PSMA7: variants seen among roughly 807,000 people sequenced by gnomAD.
PSMA7 encodes the protein proteasome subunit alpha type-7.
Under a neutral mutation model 31.3 loss-of-function variants are expected in PSMA7, and 5 were observed. The ratio of observed to expected loss-of-function variants is 0.16; its 90% CI spans 0.08 to 0.34. The LOEUF (loss-of-function observed/expected upper bound fraction) is 0.34, where lower values mean the gene tolerates loss of function less well. Ranked by LOEUF, PSMA7 falls within the 10% of genes least tolerant of loss-of-function variation. The pLI is 1.00. For synonymous variants in PSMA7, 155 were observed against 121.9 expected (o/e 1.27, Z -1.79); for missense variants, 217 against 327.5 (o/e 0.66, Z 2.60).
At chr20:62,140,469 T>C (rs1368289889) in intron 2 of PSMA7, among the ~76,000 whole-genome samples, 2 of 152,330 alleles carry the variant, frequency 1.3e-5, no homozygotes, top group Middle Eastern at 3.4e-3. Flanking sequence ...CTGCTGGGGA[T>C]GGCAGGACGT....
chr20:62,137,051 C>T (rs753541114), intron 6 of PSMA7, 102 bp from the exon 7 acceptor site: 5 of 1,474,968 alleles, frequency 3.4e-6, no homozygotes, highest in African/African-American at 1.4e-5. Context: ...GCTGCTCATA[C>T]AGCCTCTTTG....
intron 1 of PSMA7, 34 bp from the exon 2 acceptor site, chr20:62,140,978 T>C (rs1433459750): frequency 5.6e-6 from 9 of 1,612,126 alleles, no homozygotes; most frequent in South Asian, 1.1e-5. Context: ...CGTAAGAAAG[T>C]GATATGAGTG....
At chr20:62,138,058 A>T in intron 5 of PSMA7, 113 bp downstream of exon 5, 1 of 1,429,468 alleles carries the variant, frequency 7.0e-7, no homozygotes, top group Non-Finnish European at 9.8e-7. Context: ...CACAGCAGTC[A>T]TTAAGCATTA....
intron 6 of PSMA7, 35 bp downstream of exon 6, chr20:62,137,329 G>A (rs1344801608): frequency 2.5e-6 from 4 of 1,601,706 alleles, no homozygotes; most frequent in Admixed American, 1.7e-5. Flanking sequence ...GGAGAAAACT[G>A]ACAGGTAAAG....
At chr20:62,140,259 G>C (rs936236109) in intron 2 of PSMA7, among the ~76,000 whole-genome samples, 14 of 152,238 alleles carry the variant, frequency 9.2e-5, no homozygotes, top group African/African-American at 3.1e-4. Flanking sequence ...TGCATATGAA[G>C]AATTGTGTAC....
At chr20:62,137,086 AGGATGCT>A in intron 6 of PSMA7, 137 bp from the exon 7 acceptor site, 2 of 1,253,162 alleles carry the variant, frequency 1.6e-6, no homozygotes, top group Non-Finnish European at 2.2e-6. Flanking sequence ...GAAAAACAAG[AGGATGCT>A]GGCCTGACCT....
At position 62,139,022 on chromosome 20, in the gene PSMA7, C is replaced by G. The variant is rs1280396272; in HGVS notation, c.471+53G>C. 7 of 1,599,276 alleles carry G rather than the reference C, an allele frequency of 4.4e-6. No individual in the cohort carries two copies. In the East Asian group the frequency reaches 9.0e-5, roughly 20 times the overall value. ...GCAGGAAGCCCAGGACCTCCCACCC[C>G]TCAAAGCCTTTTTCTGGCAAGACTG... On this transcript the variant is annotated intron_variant, in intron 4 of 6. Transcript: ENST00000370873.
In PSMA7 at chr20:62,140,814, A is replaced by G. The variant is rs767471003; in HGVS notation, c.223+4T>C. The G allele has an allele frequency of 1.1e-5, 17 of 1,614,024 alleles. No homozygotes were observed. In the African/African-American group the frequency reaches 2.0e-4, roughly 19 times the overall value. ...GTAAGACAGCGCTCCCCACCGACTCATACCTGCAAAGGCCATGCAGACGTT... is the reference window on the plus strand; with the variant it reads ...GTAAGACAGCGCTCCCCACCGACTCGTACCTGCAAAGGCCATGCAGACGTT... On this transcript the variant is annotated splice_donor_region_variant and intron_variant, in intron 2 of 6. Coordinates refer to ENST00000370873, the MANE Select transcript of PSMA7 (RefSeq NM_002792.4).
At chr20:62,139,645 GCAAGT>G (rs751004593) in intron 3 of PSMA7, 131 bp downstream of exon 3, 22 of 1,428,576 alleles carry the variant, frequency 1.5e-5, no homozygotes, top group Non-Finnish European at 2.1e-5. Flanking sequence ...TTACACTTGT[GCAAGT>G]CAAGATTAGG....
At chr20:62,139,700 AGT>A in intron 3 of PSMA7, 79 bp downstream of exon 3, 1 of 1,604,812 alleles carries the variant, frequency 6.2e-7, no homozygotes, top group Non-Finnish European at 8.5e-7. Flanking sequence ...ATTCACCTGA[AGT>A]GACATGGCAG....
At chr20:62,139,025 A>C (rs1232030650) in intron 4 of PSMA7, 50 bp downstream of exon 4, 8 of 1,600,732 alleles carry the variant, frequency 5.0e-6, no homozygotes, top group Non-Finnish European at 6.8e-6. Flanking sequence ...CCCACCCCTC[A>C]AAGCCTTTTT....
At chr20:62,141,729 CAT>C (rs143940660) in intron 1 of PSMA7, among the ~76,000 whole-genome samples, 1,837 of 152,330 alleles carry the variant, frequency 0.012, 39 homozygotes, top group African/African-American at 0.041. Context: ...GTGACATACT[CAT>C]GTGACAGCCA....
chr20:62,142,460 A>G (rs556117904), intron 1 of PSMA7: 1 of 152,362 alleles, frequency 6.6e-6, no homozygotes, highest in African/African-American at 2.4e-5. Flanking sequence ...AAGAATAACG[A>G]TCTCACAGAC....
At chr20:62,138,953 C>A (rs2056911189) in intron 4 of PSMA7, 122 bp downstream of exon 4, 2 of 1,295,580 alleles carry the variant, frequency 1.5e-6, no homozygotes. Context: ...TCTCATAGGA[C>A]TAGGTTAACT....
chr20:62,139,017 C>T, intron 4 of PSMA7, 58 bp downstream of exon 4: 1 of 1,592,708 alleles, frequency 6.3e-7, no homozygotes, highest in Non-Finnish European at 8.6e-7. Flanking sequence ...CAGGACCTCC[C>T]ACCCCTCAAA....
At chr20:62,138,783 C>T (rs1285202497) in intron 4 of PSMA7, among the ~76,000 whole-genome samples, 3 of 152,122 alleles carry the variant, frequency 2.0e-5, no homozygotes, top group African/African-American at 7.2e-5. Flanking sequence ...GTCTCGAACA[C>T]CTGACCTCAG....
intron 3 of PSMA7, 130 bp from the exon 4 acceptor site, chr20:62,139,327 A>G (rs570065963): frequency 8.7e-7 from 1 of 1,150,724 alleles, no homozygotes; most frequent in Non-Finnish European, 1.2e-6. Context: ...AGCAGTTCAA[A>G]TGATACATTA....
At chr20:62,139,341 A>G (rs2056913608) in intron 3 of PSMA7, 144 bp from the exon 4 acceptor site, 1 of 1,037,924 alleles carries the variant, frequency 9.6e-7, no homozygotes. Context: ...TACATTAGCC[A>G]ATAGCTTTCA....
chr20:62,141,783 G>A (rs918245744), intron 1 of PSMA7, among the ~76,000 whole-genome samples: 2 of 152,260 alleles, frequency 1.3e-5, no homozygotes, highest in African/African-American at 4.8e-5. Flanking sequence ...AAGGTGTCAA[G>A]TGTTATCCCA....
Sources: allele counts gnomAD v4.1 joint callset (sites outside exome capture counted in the v4.1 genomes callset), GRCh38; gene constraint gnomAD v4.1.1; transcripts MANE v1.5; gene names NCBI Gene and HGNC (gene_info 2026-07-23, HGNC 2026-07-21).